The following ANO3 variants were observed in gnomAD, a reference collection of about 807,000 sequenced individuals.
The protein encoded by ANO3 is anoctamin 3, also known as anoctamin-3.
A neutral mutation model predicts 144.8 loss-of-function variants in ANO3; 99 were observed. The ratio of observed to expected loss-of-function variants is 0.68; its 90% CI spans 0.58 to 0.81. The LOEUF (loss-of-function observed/expected upper bound fraction) is 0.81, where lower values mean the gene tolerates loss of function less well. Ranked by LOEUF, ANO3 falls within the 30% of genes least tolerant of loss-of-function variation. The pLI, the probability that ANO3 is intolerant of heterozygous loss-of-function variation, is 0.00. For synonymous variants in ANO3, 414 were observed against 392.6 expected, an observed-to-expected ratio of 1.05 and a Z score of -0.64; for missense variants, 905 against 1,202.2, an observed-to-expected ratio of 0.75 and a Z score of 3.66.
At chr11:26,283,616 C>A (rs956706800) in intron 1 of ANO3, among the ~76,000 whole-genome samples, 1 of 151,974 alleles carries the variant, frequency 6.6e-6, no homozygotes, top group Non-Finnish European at 1.5e-5. Context: ...AGATTTCTCA[C>A]TTAGTAAGTA....
intron 1 of ANO3, among the ~76,000 whole-genome samples, chr11:26,406,827 G>A (rs1201382674): frequency 6.6e-6 from 1 of 150,428 alleles, no homozygotes; most frequent in African/African-American, 2.4e-5. Flanking sequence ...TCAAGTTTGT[G>A]ATGATTGTTT....
chr11:26,284,448 G>C (rs1279401107), intron 1 of ANO3, among the ~76,000 whole-genome samples: 2 of 152,120 alleles, frequency 1.3e-5, no homozygotes, highest in Non-Finnish European at 2.9e-5. Context: ...AATAGATTTT[G>C]TTTAATCCTT....
intron 18 of ANO3, among the ~76,000 whole-genome samples, chr11:26,629,908 G>C (rs1448404765): frequency 3.3e-5 from 5 of 152,156 alleles, no homozygotes; most frequent in Non-Finnish European, 7.3e-5. Context: ...TAGTACTACA[G>C]GCATGAGCCA....
chr11:26,567,482 C>G (rs942333347), intron 14 of ANO3, among the ~76,000 whole-genome samples: 2 of 151,884 alleles, frequency 1.3e-5, no homozygotes, highest in Non-Finnish European at 2.9e-5. Flanking sequence ...AACACTCCCA[C>G]TAGTTATGTG....
At chr11:26,655,840 G>T (rs1853669757) in intron 24 of ANO3, among the ~76,000 whole-genome samples, 1 of 152,012 alleles carries the variant, frequency 6.6e-6, no homozygotes, top group Admixed American at 6.6e-5. Flanking sequence ...TTAATGCATA[G>T]AAAGTAATTA....
intron 1 of ANO3, among the ~76,000 whole-genome samples, chr11:26,277,632 C>T (rs1269956435): frequency 6.6e-6 from 1 of 152,006 alleles, no homozygotes; most frequent in Non-Finnish European, 1.5e-5. Context: ...TACATGCTTT[C>T]ACATAGGCTG....
intron 14 of ANO3, chr11:26,562,954 G>T: frequency 9.8e-7 from 1 of 1,018,760 alleles, no homozygotes; most frequent in Non-Finnish European, 1.3e-6. Context: ...AATTATTTTG[G>T]TTTTGTTCTT....
At chr11:26,528,923 T>C (rs1849233574) in intron 7 of ANO3, among the ~76,000 whole-genome samples, 1 of 149,834 alleles carries the variant, frequency 6.7e-6, no homozygotes, top group Non-Finnish European at 1.5e-5. Flanking sequence ...AAATACTATG[T>C]ATTTATTATT....
chr11:26,395,813 T>G (rs1432986295), intron 1 of ANO3, among the ~76,000 whole-genome samples: 1 of 152,066 alleles, frequency 6.6e-6, no homozygotes, highest in Non-Finnish European at 1.5e-5. Context: ...ATTAAAGACT[T>G]AAACGTAAGA....
chr11:26,553,382 T>C (rs369053055), intron 13 of ANO3, 37 bp downstream of exon 13: 70 of 1,448,714 alleles, frequency 4.8e-5, no homozygotes, highest in Non-Finnish European at 6.2e-5. Flanking sequence ...CCCTGAGCTG[T>C]ACTGAGAAGC....
chr11:26,275,399 A>G (rs1003371169), intron 1 of ANO3, among the ~76,000 whole-genome samples: 4 of 152,194 alleles, frequency 2.6e-5, no homozygotes, highest in Non-Finnish European at 5.9e-5. Flanking sequence ...AAAAAAATCT[A>G]CAATAATGTT....
chr11:26,620,638 T>G (rs1249272409), intron 17 of ANO3, among the ~76,000 whole-genome samples: 3 of 152,324 alleles, frequency 2.0e-5, no homozygotes, highest in South Asian at 2.1e-4. Context: ...TATCTACATT[T>G]GGCTAATGTA....
chr11:26,327,718 G>A (rs866601163), upstream of ANO3, among the ~76,000 whole-genome samples: 1 of 152,122 alleles, frequency 6.6e-6, no homozygotes, highest in African/African-American at 2.4e-5. Context: ...AAGTATGATT[G>A]ATATACAAAG....
chr11:26,652,937 A>C (rs1008743709), intron 24 of ANO3, among the ~76,000 whole-genome samples: 1 of 152,120 alleles, frequency 6.6e-6, no homozygotes, highest in African/African-American at 2.4e-5. Flanking sequence ...TACTTTATTC[A>C]CTTGACTTTC....
chr11:26,339,283 T>C (rs1426987476), intron 1 of ANO3, among the ~76,000 whole-genome samples: 6 of 151,890 alleles, frequency 4.0e-5, no homozygotes, highest in Non-Finnish European at 8.8e-5. Context: ...GCCTCCTGAG[T>C]AGCTGGGATT....
intron 5 of ANO3, chr11:26,508,785 TAA>T (rs200866667): frequency 1.3e-5 from 2 of 151,170 alleles, no homozygotes; most frequent in African/African-American, 2.4e-5. Flanking sequence ...AGAGAAAATT[TAA>T]AAAAAAACTC....
At chr11:26,553,732 C>G (rs1025182523) in intron 13 of ANO3, among the ~76,000 whole-genome samples, 2 of 151,978 alleles carry the variant, frequency 1.3e-5, no homozygotes, top group African/African-American at 4.8e-5. Flanking sequence ...TTCAAAAAAT[C>G]CCCAAATTGC....
chr11:26,310,177 T>C (rs1218709847), intron 1 of ANO3, among the ~76,000 whole-genome samples: 1 of 152,192 alleles, frequency 6.6e-6, no homozygotes, highest in Non-Finnish European at 1.5e-5. Flanking sequence ...ATATATAAAA[T>C]AGCAAACAGC....
At chr11:26,217,108 C>A (rs1468127456) in intron 1 of ANO3, among the ~76,000 whole-genome samples, 2 of 151,926 alleles carry the variant, frequency 1.3e-5, no homozygotes, top group African/African-American at 4.8e-5. Flanking sequence ...ATGGATAGCA[C>A]ATTTGATGTT....
Sources: gnomAD v4.1 joint callset for allele counts (sites outside exome capture counted in the v4.1 genomes callset) on GRCh38, gnomAD v4.1.1 for gene constraint, MANE v1.5 for transcripts, NCBI Gene and HGNC (gene_info 2026-07-23, HGNC 2026-07-21) for gene names.